The following YAP1 variants were observed in gnomAD, a reference collection of about 807,000 sequenced individuals.
The protein encoded by YAP1 is Yes1 associated transcriptional regulator.
Under a neutral mutation model 56.9 loss-of-function variants are expected in YAP1, and 5 were observed. The ratio of observed to expected loss-of-function variants is 0.09; its 90% confidence interval spans 0.05 to 0.18. YAP1 has a LOEUF of 0.18. Ranked by LOEUF, YAP1 falls within the 10% of genes least tolerant of loss-of-function variation. YAP1 has a pLI of 1.00. For synonymous variants in YAP1, 265 were observed against 248.1 expected (o/e 1.07, Z -0.64); for missense variants, 539 against 651.8 (o/e 0.83, Z 1.88).
chr11:102,216,499 G>A (rs959606451), intron 6 of YAP1, among the ~76,000 whole-genome samples: 1 of 152,046 alleles, frequency 6.6e-6, no homozygotes, highest in Non-Finnish European at 1.5e-5. Flanking sequence ...TTTCAATAAT[G>A]TAATTTTATC....
At chr11:102,136,876 G>A (rs1284566219) in intron 2 of YAP1, among the ~76,000 whole-genome samples, 2 of 152,126 alleles carry the variant, frequency 1.3e-5, no homozygotes, top group African/African-American at 4.8e-5. Flanking sequence ...TGTGTCAGTA[G>A]CACTGTCTTA....
At chr11:102,201,619 TC>T (rs1475267933) in intron 4 of YAP1, among the ~76,000 whole-genome samples, 1 of 152,118 alleles carries the variant, frequency 6.6e-6, no homozygotes, top group African/African-American at 2.4e-5. Flanking sequence ...ATTTTAGTGA[TC>T]ATAATGTTAT....
chr11:102,149,681 GA>G (rs2135338380), intron 2 of YAP1, among the ~76,000 whole-genome samples: 1 of 152,298 alleles, frequency 6.6e-6, no homozygotes, highest in South Asian at 2.1e-4. Context: ...TGTGATCATG[GA>G]AAAGTAGGAA....
chr11:102,178,291 A>G (rs906629660), intron 3 of YAP1, among the ~76,000 whole-genome samples: 1 of 152,198 alleles, frequency 6.6e-6, no homozygotes, highest in Non-Finnish European at 1.5e-5. Flanking sequence ...TAAGGAAACT[A>G]CTTGATAATC....
intron 3 of YAP1, among the ~76,000 whole-genome samples, chr11:102,171,163 T>C (rs1442996503): frequency 6.6e-6 from 1 of 152,166 alleles, no homozygotes; most frequent in African/African-American, 2.4e-5. Context: ...ATTAAATTAT[T>C]TCCATTTAAG....
chr11:102,158,091 G>A (rs1798936520), intron 2 of YAP1, among the ~76,000 whole-genome samples: 1 of 152,104 alleles, frequency 6.6e-6, no homozygotes, highest in African/African-American at 2.4e-5. Flanking sequence ...CTGTGCACAG[G>A]TACAAACGAT....
At chr11:102,195,818 C>T (rs745671556) in intron 4 of YAP1, among the ~76,000 whole-genome samples, 10 of 152,222 alleles carry the variant, frequency 6.6e-5, no homozygotes, top group South Asian at 2.1e-4. Flanking sequence ...TTATTAACAG[C>T]GCAAGAACAA....
intron 4 of YAP1, among the ~76,000 whole-genome samples, chr11:102,187,168 CT>C (rs1361546409): frequency 6.6e-6 from 1 of 152,126 alleles, no homozygotes; most frequent in African/African-American, 2.4e-5. Flanking sequence ...GATAAAATAA[CT>C]TCTCCATCGG....
chr11:102,218,188 G>A (rs1377519704), intron 6 of YAP1, among the ~76,000 whole-genome samples: 2 of 152,182 alleles, frequency 1.3e-5, no homozygotes, highest in Admixed American at 6.5e-5. Context: ...TATACCTTTA[G>A]TATGCTATCC....
intron 4 of YAP1, among the ~76,000 whole-genome samples, chr11:102,188,382 TCAAA>T (rs1948097551): frequency 6.6e-6 from 1 of 152,204 alleles, no homozygotes; most frequent in Non-Finnish European, 1.5e-5. Flanking sequence ...TTTAGCTCCT[TCAAA>T]CAACCCCTTT....
chr11:102,193,822 G>T (rs553610340), intron 4 of YAP1, among the ~76,000 whole-genome samples: 30 of 149,902 alleles, frequency 2.0e-4, no homozygotes, highest in Non-Finnish European at 2.5e-4. Flanking sequence ...TTTTTTGGGG[G>T]TTTTTTTTTG....
intron 2 of YAP1, among the ~76,000 whole-genome samples, chr11:102,161,207 G>A (rs572497301): frequency 7.9e-5 from 12 of 151,306 alleles, no homozygotes; most frequent in Admixed American, 5.3e-4. Context: ...GACTACAGGC[G>A]CCCGCCACCA....
intron 7 of YAP1, among the ~76,000 whole-genome samples, chr11:102,224,924 A>G (rs2135708789): frequency 6.6e-6 from 1 of 152,356 alleles, no homozygotes; most frequent in South Asian, 2.1e-4. Context: ...TGAAGGGGCT[A>G]TATTAATCCC....
intron 3 of YAP1, among the ~76,000 whole-genome samples, chr11:102,182,149 T>TA (rs1300871958): frequency 6.6e-6 from 1 of 152,114 alleles, no homozygotes; most frequent in Non-Finnish European, 1.5e-5. Context: ...AGTGGTTCCT[T>TA]AGACCGGCAT....
chr11:102,202,496 A>G (rs183679431), intron 4 of YAP1, among the ~76,000 whole-genome samples: 122 of 150,708 alleles, frequency 8.1e-4, no homozygotes, highest in African/African-American at 2.9e-3. Context: ...TTTTTTTTAA[A>G]CCCTCATTGG....
intron 3 of YAP1, among the ~76,000 whole-genome samples, chr11:102,182,337 TCTC>T (rs1419933555): frequency 1.3e-5 from 2 of 152,142 alleles, no homozygotes; most frequent in South Asian, 2.1e-4. Flanking sequence ...GCCACTGTGG[TCTC>T]CTCTTACATT....
chr11:102,226,815 G>C (rs2135716389), intron 7 of YAP1, among the ~76,000 whole-genome samples: 1 of 152,230 alleles, frequency 6.6e-6, no homozygotes, highest in Admixed American at 6.5e-5. Context: ...AGTGTTTGAG[G>C]CTTTTTCCTC....
In YAP1 at chr11:102,143,320, A is replaced by G. The variant is rs188146835; in HGVS notation, c.573-19136A>G. On this transcript the variant is annotated intron_variant, in intron 2 of 8. Transcript: ENST00000282441. ...AAAAGAAGTGGCATCAATAAGGAAG[A>G]ATTAAGTACTGTTGCAGAAGCTCAC... 2.1e-3 allele frequency among the ~76,000 whole-genome samples: 324 copies of G among 152,340 alleles called. 1 individual carries two copies. The highest frequency in any genetic ancestry group is 3.4e-3 in the Non-Finnish European group (233 of 68,022).
intron 3 of YAP1, among the ~76,000 whole-genome samples, chr11:102,180,958 G>A (rs1947576145): frequency 6.6e-6 from 1 of 151,804 alleles, no homozygotes; most frequent in African/African-American, 2.4e-5. Context: ...ACCAGCCTGG[G>A]CAACATAATG....
Sources: allele counts gnomAD v4.1 joint callset (sites outside exome capture counted in the v4.1 genomes callset), GRCh38; gene constraint gnomAD v4.1.1; transcripts MANE v1.5; gene names NCBI Gene and HGNC (gene_info 2026-07-23, HGNC 2026-07-21).